Variants in ABCC9 observed in about 807,000 individuals in gnomAD.
The protein encoded by ABCC9 is ATP binding cassette subfamily C member 9.
In ABCC9, 95 loss-of-function variants were observed where a neutral mutation model predicts 188.3. The ratio of observed to expected loss-of-function variants is 0.50; its 90% CI spans 0.43 to 0.60. ABCC9 has a LOEUF of 0.60. ABCC9 is among the 20% of genes least tolerant of loss of function. The pLI is 0.00. For missense variants in ABCC9, 1,102 were observed against 1,876.3 expected (o/e 0.59, Z 7.62); for synonymous variants, 659 against 652.7 (o/e 1.01, Z -0.15).
chr12:21,890,431 A>G (rs1947096371), intron 14 of ABCC9, among the ~76,000 whole-genome samples: 1 of 152,088 alleles, frequency 6.6e-6, no homozygotes, highest in Admixed American at 6.6e-5. Context: ...TTTCTCACCT[A>G]CTTACCCACT....
chr12:21,812,756 G>T (rs999377993), intron 35 of ABCC9, among the ~76,000 whole-genome samples: 6 of 151,896 alleles, frequency 4.0e-5, no homozygotes, highest in African/African-American at 7.3e-5. Flanking sequence ...GTAGATGATG[G>T]GTTGATGGGT....
At chr12:21,908,770 A>G (rs142724449) in intron 10 of ABCC9, among the ~76,000 whole-genome samples, 103 of 152,022 alleles carry the variant, frequency 6.8e-4, no homozygotes, top group African/African-American at 2.4e-3. Flanking sequence ...GGCTGACGGT[A>G]ACTAAAACTG....
At chr12:21,827,580 C>T (rs1007508186) in intron 31 of ABCC9, among the ~76,000 whole-genome samples, 1 of 132,694 alleles carries the variant, frequency 7.5e-6, no homozygotes, top group Admixed American at 7.4e-5. Flanking sequence ...ACTCACATAT[C>T]AAAACAAGGA....
intron 30 of ABCC9, among the ~76,000 whole-genome samples, chr12:21,830,218 A>G (rs1943679672): frequency 6.6e-6 from 1 of 152,230 alleles, no homozygotes; most frequent in Admixed American, 6.5e-5. Context: ...AAAGAAATTC[A>G]TGTTACATGG....
chr12:21,854,902 A>C (rs1483305874), intron 22 of ABCC9, among the ~76,000 whole-genome samples: 2 of 152,310 alleles, frequency 1.3e-5, no homozygotes, highest in East Asian at 3.9e-4. Flanking sequence ...TATCAGGATT[A>C]CACTGACAAA....
In ABCC9 at chr12:21,915,472, GTATATA is replaced by G. The variant is rs375465648; in HGVS notation, c.816+190_816+195del. Among the ~76,000 whole-genome samples the G allele has an allele frequency of 0.29, 4,192 of 14,662 alleles. 650 individuals are homozygous for G. Among genetic ancestry groups the G allele is most frequent in the Non-Finnish European group, 0.32 (2,761 of 8,674 alleles). 9.6% of individuals were successfully genotyped at this position (14,662 alleles called of 152,430 possible). Reference sequence around the variant, plus strand: ...TGTATATATGTGTGTATATGTGTGTGTATATATGTGTGTGTGTGTGTGTGTGTGTAT... The same window carrying G: ...TGTATATATGTGTGTATATGTGTGTGTGTGTGTGTGTGTGTGTGTGTGTAT... On this transcript the variant is annotated intron_variant, in intron 7 of 39. Coordinates refer to ENST00000261200, the MANE Select transcript of ABCC9 (RefSeq NM_020297.4).
chr12:21,922,754 T>TC (rs1230011920), intron 5 of ABCC9, among the ~76,000 whole-genome samples: 3 of 147,862 alleles, frequency 2.0e-5, no homozygotes, highest in East Asian at 3.9e-4. Flanking sequence ...TTTTTTTCTT[T>TC]TTTTTTTTTT....
chr12:21,845,795 G>A lies in ABCC9; in HGVS notation c.2904C>T (p.Ser968=). The part of the protein sequence containing the change: ...EEEEDEDDNM[S]TVMRLRTKMP... ...TTTTAGTCCTGAGCCTCATTACAGT[G>A]GACATGTTATCATCCTCATCTTCCT... is the stretch of plus-strand genomic sequence containing the variant. The change falls in exon 26 of 40, where the codon TCC becomes TCT. Residue 968 remains serine (S), a synonymous_variant. Coordinates refer to ENST00000261200, the MANE Select transcript of ABCC9 (RefSeq NM_020297.4). The A allele has an allele frequency of 6.2e-7, 1 of 1,613,684 alleles. No individual in the cohort carries two copies. The highest frequency in any genetic ancestry group is 8.5e-7 in the Non-Finnish European group (1 of 1,179,818).
intron 22 of ABCC9, among the ~76,000 whole-genome samples, chr12:21,856,867 T>C (rs1020537024): frequency 1.3e-5 from 2 of 152,186 alleles, no homozygotes; most frequent in African/African-American, 4.8e-5. Flanking sequence ...TCTTTGCTGA[T>C]TACATAGCCA....
chr12:21,905,130 A>G (rs1244596932), intron 12 of ABCC9, among the ~76,000 whole-genome samples: 3 of 152,276 alleles, frequency 2.0e-5, no homozygotes, highest in East Asian at 1.9e-4. Flanking sequence ...AGGGACATGG[A>G]TGAAGCTGGA....
At chr12:21,916,894 G>T (rs763904864) in intron 6 of ABCC9, 43 bp downstream of exon 6, 46 of 1,548,060 alleles carry the variant, frequency 3.0e-5, no homozygotes, top group African/African-American at 9.7e-5. Flanking sequence ...TCATATTGGG[G>T]TCTTGAATCC....
intron 18 of ABCC9, among the ~76,000 whole-genome samples, chr12:21,864,746 GT>G (rs1945698767): frequency 6.6e-6 from 1 of 152,070 alleles, no homozygotes; most frequent in African/African-American, 2.4e-5. Context: ...CAATGACTGG[GT>G]TCTAGTGCTA....
rs1431788783 is a variant in ABCC9, at chr12:21,807,587, C to T, written c.4316-108G>A. 16 of 1,464,494 alleles carry T rather than the reference C, an allele frequency of 1.1e-5. No homozygotes were observed. The East Asian group carries it at 3.5e-4, about 32-fold the overall frequency. 90.7% of individuals were successfully genotyped at this position (1,464,494 alleles called of 1,614,324 possible). ...TGTTGTATGACAGCATGATGGATAT[C>T]ACTTAGTGCTGGTGCAAGGACTTCA... On this transcript the variant is annotated intron_variant, in intron 37 of 39. Coordinates refer to ENST00000261200, the MANE Select transcript of ABCC9 (RefSeq NM_020297.4).
rs886049169 is a variant in ABCC9, at chr12:21,838,088, G to T, written c.3556C>A (p.Arg1186=). Residue 1186 remains arginine (R), a synonymous_variant, in exon 30 of 40, where the codon CGG becomes AGG. Transcript: ENST00000261200. ...AATGTGTTTACTCACCTAAAGGCCC[G>T]AATGGTGGTGAGTCCTTCTGCTGTT... ...SETAEGLTTI[R]AFRHETRFKQ... 1 of 1,613,674 alleles carries T rather than the reference G, an allele frequency of 6.2e-7. No homozygotes were observed. The highest frequency in any genetic ancestry group is 1.1e-5 in the South Asian group (1 of 91,068).
At chr12:21,923,942 T>C (rs1948943518) in intron 5 of ABCC9, 1 of 653,070 alleles carries the variant, frequency 1.5e-6, no homozygotes, top group Non-Finnish European at 2.7e-6. Flanking sequence ...AAGAAAATAT[T>C]GATCTATGCT....
intron 17 of ABCC9, among the ~76,000 whole-genome samples, chr12:21,874,835 G>T (rs1213358661): frequency 6.6e-6 from 1 of 152,070 alleles, no homozygotes. Context: ...AACTAATTTA[G>T]TCAAAATTTT....
In ABCC9 at chr12:21,879,996, G is replaced by A. The variant is rs146255107; in HGVS notation, c.2019+2770C>T. Among the ~76,000 whole-genome samples the A allele has an allele frequency of 3.9e-3, 595 of 151,462 alleles. 7 individuals carry two copies. Among genetic ancestry groups the A allele is most frequent in the African/African-American group, 0.013 (548 of 41,244 alleles). On this transcript the variant is annotated intron_variant, in intron 16 of 39. Coordinates refer to ENST00000261200, the MANE Select transcript of ABCC9 (RefSeq NM_020297.4). ...CTATCAGTTGATTCACACACATATA[G>A]ATCCTTGATGTGTAACTGATATCAC...
In ABCC9 at chr12:21,829,423, G is replaced by C. The variant is rs186802939; in HGVS notation, c.3567-363C>G. Reference sequence around the variant, plus strand: ...TCACCGTGTTAGCCAGGATGGTCTCGATCTCCTGACCTTGTGATCCGCCCA... The same window carrying C: ...TCACCGTGTTAGCCAGGATGGTCTCCATCTCCTGACCTTGTGATCCGCCCA... On this transcript the variant is annotated intron_variant, in intron 30 of 39. Coordinates refer to ENST00000261200, the MANE Select transcript of ABCC9 (RefSeq NM_020297.4). Among the ~76,000 whole-genome samples the C allele has an allele frequency of 3.6e-3, 543 of 151,978 alleles. 2 individuals are homozygous for C. Among genetic ancestry groups the C allele is most frequent in the African/African-American group, 0.01 (428 of 41,502 alleles).
At chr12:21,937,863 A>G (rs1280081550) in intron 2 of ABCC9, among the ~76,000 whole-genome samples, 4 of 152,114 alleles carry the variant, frequency 2.6e-5, no homozygotes, top group African/African-American at 9.7e-5. Context: ...ACAACCTCCA[A>G]CCTGCTTTTT....
Sources: gnomAD v4.1 joint callset for allele counts (sites outside exome capture counted in the v4.1 genomes callset) on GRCh38, gnomAD v4.1.1 for gene constraint, MANE v1.5 for transcripts, NCBI Gene and HGNC (gene_info 2026-07-23, HGNC 2026-07-21) for gene names.